Variants in PTPRM observed in about 807,000 individuals in gnomAD.
PTPRM encodes protein tyrosine phosphatase receptor type M.
A neutral mutation model predicts 186.7 loss-of-function variants in PTPRM; 47 were observed. The ratio of observed to expected loss-of-function variants is 0.25; its 90% CI spans 0.20 to 0.32. PTPRM has a LOEUF of 0.32. Among genes scored for constraint, PTPRM ranks in the 10% least tolerant of loss-of-function variants. The pLI, the probability that PTPRM is intolerant of heterozygous loss-of-function variation, is 1.00. For synonymous variants in PTPRM, 668 were observed against 674.9 expected (o/e 0.99, Z 0.16); for missense variants, 1,494 against 1,865.0 (o/e 0.80, Z 3.66).
chr18:7,637,634 G>A (rs55990200), intron 1 of PTPRM, among the ~76,000 whole-genome samples: 25 of 152,018 alleles, frequency 1.6e-4, no homozygotes, highest in Admixed American at 1.6e-3. Flanking sequence ...TTCTATGAAC[G>A]TTTCTTTGGG....
intron 1 of PTPRM, among the ~76,000 whole-genome samples, chr18:7,585,964 T>C (rs1465335614): frequency 6.6e-6 from 1 of 152,190 alleles, no homozygotes; most frequent in Non-Finnish European, 1.5e-5. Context: ...CTGATACTCA[T>C]AGAATACTTA....
rs146198798 is a variant in PTPRM at position 8,113,000 on chromosome 18, G to C, written c.1857-486G>C. Among the ~76,000 whole-genome samples, 557 of 152,282 alleles carry C rather than the reference G, an allele frequency of 3.7e-3. 1 individual carries two copies. Among genetic ancestry groups the C allele is most frequent in the African/African-American group, 0.012 (518 of 41,556 alleles). On this transcript the variant is annotated intron_variant, in intron 11 of 32. Transcript: ENST00000580170. Reference sequence around the variant, plus strand: ...AGAAAACATAGGAAGATAAACCTTAGTTAACATGAATCACTACACATTGTG... The same window carrying C: ...AGAAAACATAGGAAGATAAACCTTACTTAACATGAATCACTACACATTGTG...
At chr18:8,037,595 T>G (rs1015441173) in intron 7 of PTPRM, among the ~76,000 whole-genome samples, 9 of 152,228 alleles carry the variant, frequency 5.9e-5, no homozygotes, top group African/African-American at 2.2e-4. Flanking sequence ...ACAGTCTGAA[T>G]TCCTGTAAAT....
Position 8,252,510 on chromosome 18 carries a change from C to G in PTPRM, c.2566+11C>G. The stretch of plus-strand genomic sequence containing the variant: ...AAGTGCCAATAAATGGTAAGTTCCC[C>G]GATTCGCCCCATGGAAGAGTTGTGG... On this transcript the variant is annotated intron_variant, in intron 18 of 32. Transcript: ENST00000580170. 6.5e-7 allele frequency: 1 copy of G among 1,546,064 alleles called. No individual in the cohort carries two copies.
chr18:8,128,927 T>TAAGGC (rs1375858652), intron 13 of PTPRM, among the ~76,000 whole-genome samples: 1 of 152,184 alleles, frequency 6.6e-6, no homozygotes, highest in African/African-American at 2.4e-5. Context: ...AACAATATTT[T>TAAGGC]ATACTGTCTT....
chr18:7,844,507 G>A (rs1203457886), intron 2 of PTPRM, among the ~76,000 whole-genome samples: 1 of 152,170 alleles, frequency 6.6e-6, no homozygotes, highest in East Asian at 1.9e-4. Context: ...AGGACGGGCA[G>A]AGGAGAACTT....
At chr18:7,714,763 C>A (rs2040288657) in intron 1 of PTPRM, among the ~76,000 whole-genome samples, 1 of 152,104 alleles carries the variant, frequency 6.6e-6, no homozygotes, top group Non-Finnish European at 1.5e-5. Flanking sequence ...ACTAGAAAAT[C>A]TAGAAGAAAT....
intron 20 of PTPRM, among the ~76,000 whole-genome samples, chr18:8,304,873 CTCTT>C (rs1478613902): frequency 1.6e-5 from 2 of 125,504 alleles, no homozygotes; most frequent in African/African-American, 5.9e-5. Context: ...ATGTGTTATT[CTCTT>C]TCTAATTACA....
At chr18:7,993,180 T>G (rs565051033) in intron 7 of PTPRM, among the ~76,000 whole-genome samples, 2 of 151,836 alleles carry the variant, frequency 1.3e-5, no homozygotes, top group African/African-American at 4.8e-5. Context: ...CAGTCAGACA[T>G]AAATGAATGA....
intron 2 of PTPRM, among the ~76,000 whole-genome samples, chr18:7,777,411 C>T (rs1414323825): frequency 6.6e-6 from 1 of 152,194 alleles, no homozygotes; most frequent in Non-Finnish European, 1.5e-5. Flanking sequence ...TTTACTGACA[C>T]ACAGCCATGC....
intron 1 of PTPRM, among the ~76,000 whole-genome samples, chr18:7,703,202 T>A (rs1387398589): frequency 1.3e-5 from 2 of 152,230 alleles, no homozygotes; most frequent in Admixed American, 1.3e-4. Flanking sequence ...TCTAATTTTG[T>A]GAAGAAAGTC....
chr18:7,975,628 A>T (rs1357065913), intron 7 of PTPRM, among the ~76,000 whole-genome samples: 1 of 152,206 alleles, frequency 6.6e-6, no homozygotes. Flanking sequence ...ACCTAGTAAC[A>T]TTGTAGCCAC....
intron 7 of PTPRM, among the ~76,000 whole-genome samples, chr18:8,061,195 CTTTACCAT>C (rs1036182381): frequency 1.0e-4 from 4 of 38,482 alleles, no homozygotes; most frequent in African/African-American, 5.1e-4. Flanking sequence ...GAATTGATCC[CTTTACCAT>C]TATGTAATGG....
At chr18:8,161,607 A>G (rs2093230775) in intron 14 of PTPRM, among the ~76,000 whole-genome samples, 1 of 152,194 alleles carries the variant, frequency 6.6e-6, no homozygotes, top group Non-Finnish European at 1.5e-5. Flanking sequence ...CAAATAAAAT[A>G]GATATCCAGT....
chr18:7,610,426 C>T (rs1373296784), intron 1 of PTPRM, among the ~76,000 whole-genome samples: 1 of 152,024 alleles, frequency 6.6e-6, no homozygotes, highest in Non-Finnish European at 1.5e-5. Flanking sequence ...TCCTCCAGAA[C>T]CCTTTAAGAA....
At chr18:7,594,064 G>A (rs780945579) in intron 1 of PTPRM, among the ~76,000 whole-genome samples, 2 of 152,128 alleles carry the variant, frequency 1.3e-5, no homozygotes, top group Non-Finnish European at 2.9e-5. Context: ...GACCCTCTCC[G>A]TTCTTTCCCA....
At chr18:8,259,347 C>G (rs1248954575) in intron 19 of PTPRM, among the ~76,000 whole-genome samples, 2 of 152,134 alleles carry the variant, frequency 1.3e-5, no homozygotes, top group African/African-American at 2.4e-5. Flanking sequence ...TCAGTTTAAA[C>G]TGGGGAATTG....
chr18:7,697,138 G>A (rs1488300910), intron 1 of PTPRM, among the ~76,000 whole-genome samples: 1 of 152,060 alleles, frequency 6.6e-6, no homozygotes, highest in Non-Finnish European at 1.5e-5. Flanking sequence ...TGAATGTCGG[G>A]GTGTGTTAGT....
At chr18:8,040,869 G>A (rs1383152136) in intron 7 of PTPRM, among the ~76,000 whole-genome samples, 1 of 152,148 alleles carries the variant, frequency 6.6e-6, no homozygotes, top group Non-Finnish European at 1.5e-5. Context: ...ACACCAATCA[G>A]AATCTCTCCA....
Sources: allele counts gnomAD v4.1 joint callset (sites outside exome capture counted in the v4.1 genomes callset), GRCh38; gene constraint gnomAD v4.1.1; transcripts MANE v1.5; gene names NCBI Gene and HGNC (gene_info 2026-07-23, HGNC 2026-07-21).